The following MYO9A variants were observed in gnomAD, a reference collection of about 807,000 sequenced individuals.
MYO9A encodes the protein myosin IXA.
A neutral mutation model predicts 293.3 loss-of-function variants in MYO9A; 103 were observed. That is an observed-to-expected ratio of 0.35 (90% CI 0.30 to 0.41). MYO9A has a LOEUF of 0.41. MYO9A is among the 10% of genes least tolerant of loss of function. MYO9A has a pLI of 1.00. For missense variants in MYO9A, 2,685 were observed against 3,033.0 expected, an observed-to-expected ratio of 0.89 and a Z score of 2.69; for synonymous variants, 1,001 against 1,035.7, an observed-to-expected ratio of 0.97 and a Z score of 0.64.
At chr15:72,067,257 C>G (rs2079049451) in intron 1 of MYO9A, among the ~76,000 whole-genome samples, 1 of 151,202 alleles carries the variant, frequency 6.6e-6, no homozygotes, top group African/African-American at 2.4e-5. Context: ...GAGAAAAGTA[C>G]AAATATTAGC....
intron 15 of MYO9A, among the ~76,000 whole-genome samples, chr15:71,943,967 A>C (rs2058846829): frequency 6.6e-6 from 1 of 152,142 alleles, no homozygotes; most frequent in Admixed American, 6.5e-5. Context: ...TAACTGTACC[A>C]TTTGACAGTG....
intron 20 of MYO9A, 42 bp from the exon 21 acceptor site, chr15:71,904,081 T>C (rs2057560311): frequency 1.4e-6 from 2 of 1,424,640 alleles, no homozygotes; most frequent in African/African-American, 1.4e-5. Context: ...ACAGTAGATC[T>C]CCAAATTAAT....
chr15:72,116,356 C>T (rs560611264), intron 1 of MYO9A, among the ~76,000 whole-genome samples: 3 of 152,288 alleles, frequency 2.0e-5, no homozygotes, highest in African/African-American at 7.2e-5. Flanking sequence ...ATTAAAATTA[C>T]GTACTGATCA....
intron 36 of MYO9A, 110 bp from the exon 37 acceptor site, chr15:71,851,468 G>C: frequency 1.3e-6 from 1 of 745,446 alleles, no homozygotes. Flanking sequence ...TTTAGGAGTA[G>C]TTGTACCTGT....
intron 34 of MYO9A, among the ~76,000 whole-genome samples, chr15:71,858,301 T>C (rs1305787695): frequency 1.3e-5 from 2 of 152,158 alleles, no homozygotes; most frequent in Non-Finnish European, 2.9e-5. Flanking sequence ...TAAAGACACA[T>C]GCACACATAT....
intron 4 of MYO9A, among the ~76,000 whole-genome samples, chr15:72,021,308 T>C (rs2077497010): frequency 6.6e-6 from 1 of 152,152 alleles, no homozygotes; most frequent in Admixed American, 6.5e-5. Flanking sequence ...ATAATTAACC[T>C]TTTCAGAACT....
At chr15:72,047,365 A>G (rs1276596544) in intron 1 of MYO9A, among the ~76,000 whole-genome samples, 2 of 152,204 alleles carry the variant, frequency 1.3e-5, no homozygotes, top group Non-Finnish European at 2.9e-5. Flanking sequence ...TGCTACCATT[A>G]TATCTTTTTA....
chr15:71,957,475 A>T (rs757107557), intron 14 of MYO9A, among the ~76,000 whole-genome samples: 15 of 152,188 alleles, frequency 9.9e-5, no homozygotes, highest in African/African-American at 2.4e-4. Flanking sequence ...AGTAATTTAT[A>T]AAAAAAGTCC....
chr15:72,019,224 C>T lies in MYO9A; in HGVS notation c.1099-129G>A, dbSNP rs965833393. 5 of 736,080 alleles carry T rather than the reference C, an allele frequency of 6.8e-6. No individual in the cohort carries two copies. In the East Asian group the frequency reaches 1.4e-4, roughly 20 times the overall value. 45.6% of individuals were successfully genotyped at this position (736,080 alleles called of 1,614,324 possible). On this transcript the variant is annotated intron_variant, in intron 5 of 41. Coordinates refer to ENST00000356056, the MANE Select transcript of MYO9A (RefSeq NM_006901.4). ...AGTTATTTTGCATAGCAGCATAAAACAAGAAATAATGAAGCAAATATTCAC... is the reference window on the plus strand; with the variant it reads ...AGTTATTTTGCATAGCAGCATAAAATAAGAAATAATGAAGCAAATATTCAC...
At chr15:71,853,936 T>A (rs1383701668) in intron 35 of MYO9A, among the ~76,000 whole-genome samples, 1 of 152,242 alleles carries the variant, frequency 6.6e-6, no homozygotes, top group African/African-American at 2.4e-5. Flanking sequence ...GATCAGTCTT[T>A]GGGCAAGATC....
intron 3 of MYO9A, among the ~76,000 whole-genome samples, chr15:72,028,240 A>T (rs368878368): frequency 5.0e-4 from 40 of 79,642 alleles, no homozygotes; most frequent in South Asian, 4.2e-3. Flanking sequence ...TATATATATA[A>T]ATATATATAT....
At chr15:71,979,474 T>C (rs943985278) in intron 11 of MYO9A, among the ~76,000 whole-genome samples, 5 of 152,198 alleles carry the variant, frequency 3.3e-5, no homozygotes, top group Non-Finnish European at 5.9e-5. Context: ...CAGCTTCTAA[T>C]ACAATCAATA....
chr15:72,054,776 T>C (rs186376825), intron 1 of MYO9A, among the ~76,000 whole-genome samples: 24 of 144,142 alleles, frequency 1.7e-4, no homozygotes, highest in African/African-American at 3.1e-4. Context: ...ATAAATAAGA[T>C]CAAGCAAGGA....
chr15:72,032,389 G>A (rs747116295), intron 3 of MYO9A, 105 bp downstream of exon 3: 41 of 683,726 alleles, frequency 6.0e-5, no homozygotes, highest in Non-Finnish European at 8.3e-5. Flanking sequence ...GAATTTTAAT[G>A]CTGACACCAA....
rs750549539 is a variant in MYO9A, at chr15:72,074,475, G to C, written c.-71-27841C>G. Among the ~76,000 whole-genome samples, 10 of 152,018 alleles carry C rather than the reference G, an allele frequency of 6.6e-5. 1 individual carries two copies. The highest frequency in any genetic ancestry group is 3.3e-4 in the Admixed American group (5 of 15,250). On this transcript the variant is annotated intron_variant, in intron 1 of 41. Coordinates refer to ENST00000356056, the MANE Select transcript of MYO9A (RefSeq NM_006901.4). ...CCAGAAAGGAAAAAGCCCTTTCTAG[G>C]CTAACAGACAAGTGACTACTTTCAA...
intron 25 of MYO9A, among the ~76,000 whole-genome samples, chr15:71,895,868 G>A (rs981026064): frequency 1.3e-5 from 2 of 151,822 alleles, no homozygotes; most frequent in Non-Finnish European, 2.9e-5. Context: ...ACAAATTCAT[G>A]GATCCAACAG....
chr15:71,935,381 T>C lies in MYO9A; in HGVS notation c.2482A>G (p.Thr828Ala), dbSNP rs1249008207. The C allele has an allele frequency of 1.9e-6, 3 of 1,613,582 alleles. No individual in the cohort carries two copies. The African/African-American group carries it at 4.0e-5, about 22-fold the overall frequency. Residue 828 changes from threonine to alanine, a missense_variant, in exon 17 of 42, where the codon ACT becomes GCT. Coordinates refer to ENST00000356056, the MANE Select transcript of MYO9A (RefSeq NM_006901.4). The part of the protein sequence containing the change: ...LDKDGIFANS[T>A]SSKLLERAHG... Reference sequence around the variant, plus strand: ...GCTCTCTCCAGGAGTTTGCTGCTAGTTGAATTAGCAAATATTCCATCTTTA... The same window carrying C: ...GCTCTCTCCAGGAGTTTGCTGCTAGCTGAATTAGCAAATATTCCATCTTTA...
Position 71,859,765 on chromosome 15 carries a change from A to G in MYO9A, c.6123T>C (p.Cys2041=). ...TAGAGCACTTGGCTGTGGTTTTCAG[A>G]CAGCACTTCTTATGGCAAGCATACT... The part of the protein sequence containing the change: ...LCKYACHKKC[C]LKTTAKCSKK... The change falls in exon 34 of 42, where the codon TGT becomes TGC. Residue 2041 remains cysteine (C), a synonymous_variant. Coordinates refer to ENST00000356056, the MANE Select transcript of MYO9A (RefSeq NM_006901.4). 1.2e-6 allele frequency: 2 copies of G among 1,613,494 alleles called. No homozygotes were observed. The highest frequency in any genetic ancestry group is 1.7e-6 in the Non-Finnish European group (2 of 1,179,694).
intron 11 of MYO9A, among the ~76,000 whole-genome samples, chr15:71,987,262 CATT>C (rs759078392): frequency 6.6e-6 from 1 of 152,170 alleles, no homozygotes; most frequent in Non-Finnish European, 1.5e-5. Flanking sequence ...ATATCCTCAT[CATT>C]AAGTGACACA....
Sources: gnomAD v4.1 joint callset for allele counts (sites outside exome capture counted in the v4.1 genomes callset) on GRCh38, gnomAD v4.1.1 for gene constraint, MANE v1.5 for transcripts, NCBI Gene and HGNC (gene_info 2026-07-23, HGNC 2026-07-21) for gene names.